The following ITGB6 variants were observed in gnomAD, a reference collection of about 807,000 sequenced individuals.
ITGB6 encodes integrin subunit beta 6.
A neutral mutation model predicts 84.5 loss-of-function variants in ITGB6; 80 were observed. That is an observed-to-expected ratio of 0.95 (90% CI 0.79 to 1.14). The LOEUF (loss-of-function observed/expected upper bound fraction) is 1.14. Among genes scored for constraint, ITGB6 ranks in the 50% most tolerant of loss-of-function variants. The pLI is 0.00. For synonymous variants in ITGB6, 383 were observed against 354.9 expected, an observed-to-expected ratio of 1.08 and a Z score of -0.89; for missense variants, 1,006 against 968.0, an observed-to-expected ratio of 1.04 and a Z score of -0.52.
intron 10 of ITGB6, among the ~76,000 whole-genome samples, chr2:160,134,432 C>A (rs1263782567): frequency 2.6e-5 from 4 of 152,122 alleles, no homozygotes; most frequent in East Asian, 1.9e-4. Flanking sequence ...CAACCAAAAA[C>A]AGTCCAGGAC....
intron 10 of ITGB6, among the ~76,000 whole-genome samples, chr2:160,136,615 G>A (rs1387331107): frequency 5.9e-5 from 9 of 152,106 alleles, no homozygotes; most frequent in Non-Finnish European, 1.0e-4. Flanking sequence ...TGTTTATTGC[G>A]GCACTATTCA....
At chr2:160,184,757 A>T (rs1192966838) in intron 4 of ITGB6, among the ~76,000 whole-genome samples, 1 of 152,202 alleles carries the variant, frequency 6.6e-6, no homozygotes, top group African/African-American at 2.4e-5. Flanking sequence ...CGAATCCAGC[A>T]GCACATCAAA....
intron 4 of ITGB6, among the ~76,000 whole-genome samples, chr2:160,177,310 T>C (rs1685458235): frequency 6.6e-6 from 1 of 152,146 alleles, no homozygotes; most frequent in South Asian, 2.1e-4. Flanking sequence ...CTCACGCCTG[T>C]AATCCCAGCA....
In ITGB6 at chr2:160,123,851, C is replaced by T; in HGVS notation, c.1921G>A (p.Ala641Thr). ...IECHLSAAGQ[A>T]REECVDKCKL... ...CACTTGTCCACACATTCTTCTCGGG[C>T]TTGGCCAGCTGCTGACAGGTGGCAC... Residue 641 changes from alanine (A) to threonine (T), a missense_variant, in exon 12 of 15, where the codon GCC becomes ACC. Transcript: ENST00000283249. The T allele has an allele frequency of 6.2e-7, 1 of 1,614,040 alleles. No homozygotes were observed. Among genetic ancestry groups the T allele is most frequent in the Non-Finnish European group, 8.5e-7 (1 of 1,179,980 alleles).
At chr2:160,187,001 G>A (rs942684384) in intron 4 of ITGB6, among the ~76,000 whole-genome samples, 1 of 152,072 alleles carries the variant, frequency 6.6e-6, no homozygotes, top group Non-Finnish European at 1.5e-5. Flanking sequence ...AGCATCAGGA[G>A]AAATACCTAA....
chr2:160,117,647 C>T (rs558572868), intron 12 of ITGB6, among the ~76,000 whole-genome samples: 58 of 152,038 alleles, frequency 3.8e-4, no homozygotes, highest in African/African-American at 1.4e-3. Context: ...TAGCAGAAGG[C>T]AAGAAATTAC....
At chr2:160,117,474 A>G (rs565212836) in intron 12 of ITGB6, among the ~76,000 whole-genome samples, 2 of 152,230 alleles carry the variant, frequency 1.3e-5, no homozygotes, top group Non-Finnish European at 2.9e-5. Context: ...AGCGAGAACA[A>G]AGAAACAACA....
At chr2:160,174,833 C>A (rs553143511) in intron 4 of ITGB6, among the ~76,000 whole-genome samples, 3 of 152,314 alleles carry the variant, frequency 2.0e-5, no homozygotes, top group Non-Finnish European at 4.4e-5. Context: ...TTACTCAACA[C>A]TTCTGAGCTT....
chr2:160,186,390 G>A (rs1362307058), intron 4 of ITGB6, among the ~76,000 whole-genome samples: 1 of 151,980 alleles, frequency 6.6e-6, no homozygotes, highest in Admixed American at 6.6e-5. Context: ...GGTCATCAGA[G>A]AAATGCAAAT....
At chr2:160,160,978 C>T (rs1684796165) in intron 7 of ITGB6, among the ~76,000 whole-genome samples, 1 of 152,110 alleles carries the variant, frequency 6.6e-6, no homozygotes, top group Non-Finnish European at 1.5e-5. Flanking sequence ...ATGTCAAAGT[C>T]TTCACCAAAG....
chr2:160,171,127 G>T (rs1366463476), intron 6 of ITGB6, among the ~76,000 whole-genome samples: 1 of 152,110 alleles, frequency 6.6e-6, no homozygotes, highest in Non-Finnish European at 1.5e-5. Context: ...GTAATGAACT[G>T]TTAAGAGTTT....
At chr2:160,116,703 A>G (rs1462647766) in intron 12 of ITGB6, among the ~76,000 whole-genome samples, 1 of 152,248 alleles carries the variant, frequency 6.6e-6, no homozygotes, top group Non-Finnish European at 1.5e-5. Flanking sequence ...GCTCCAATTA[A>G]AAGACACAGA....
intron 8 of ITGB6, among the ~76,000 whole-genome samples, chr2:160,138,522 C>T (rs1683863653): frequency 6.6e-6 from 1 of 152,126 alleles, no homozygotes; most frequent in South Asian, 2.1e-4. Flanking sequence ...TCATTTTATC[C>T]ATTCTGAAGG....
intron 8 of ITGB6, among the ~76,000 whole-genome samples, chr2:160,140,170 T>C (rs1411462344): frequency 2.0e-5 from 3 of 152,186 alleles, no homozygotes; most frequent in African/African-American, 7.2e-5. Context: ...AGAAAAATAA[T>C]TTGAACTAGT....
rs571962335 is a variant in ITGB6, at chr2:160,158,989, C to T, written c.1017+10223G>A. On this transcript the variant is annotated intron_variant, in intron 7 of 14. Coordinates refer to ENST00000283249, the MANE Select transcript of ITGB6 (RefSeq NM_000888.5). ...TGGTGTGCGCCTGTAGTCCCCACTA[C>T]TCAGGAGGCTGAGGCAGGAGACTCG... 8.6e-5 allele frequency among the ~76,000 whole-genome samples: 13 copies of T among 152,026 alleles called. 1 individual carries two copies. Among genetic ancestry groups the T allele is most frequent in the Admixed American group, 7.2e-4 (11 of 15,260 alleles).
At chr2:160,197,321 G>A (rs1686382728) in intron 2 of ITGB6, among the ~76,000 whole-genome samples, 2 of 152,060 alleles carry the variant, frequency 1.3e-5, no homozygotes, top group African/African-American at 4.8e-5. Flanking sequence ...GCTTTTCTGC[G>A]TGGGACACAG....
chr2:160,139,927 G>A (rs768763338), intron 8 of ITGB6, among the ~76,000 whole-genome samples: 7 of 152,018 alleles, frequency 4.6e-5, no homozygotes, highest in African/African-American at 1.7e-4. Context: ...GGTATTTAAG[G>A]TTTTTTTAAA....
At chr2:160,107,173 T>A (rs1256079503) in intron 14 of ITGB6, among the ~76,000 whole-genome samples, 1 of 152,158 alleles carries the variant, frequency 6.6e-6, no homozygotes, top group South Asian at 2.1e-4. Flanking sequence ...TCAGAAAAAA[T>A]AACTGCATGG....
chr2:160,197,342 C>G (rs1285473732), intron 2 of ITGB6, among the ~76,000 whole-genome samples: 1 of 151,974 alleles, frequency 6.6e-6, no homozygotes, highest in African/African-American at 2.4e-5. Flanking sequence ...GAGTTTCCCA[C>G]AAGGATAGCA....
Sources: gnomAD v4.1 joint callset for allele counts (sites outside exome capture counted in the v4.1 genomes callset) on GRCh38, gnomAD v4.1.1 for gene constraint, MANE v1.5 for transcripts, NCBI Gene and HGNC (gene_info 2026-07-23, HGNC 2026-07-21) for gene names.